The following PTK2 variants were observed in gnomAD, a reference collection of about 807,000 sequenced individuals.
PTK2 encodes the protein protein tyrosine kinase 2, also known as focal adhesion kinase 1.
In PTK2, 45 loss-of-function variants were observed where a neutral mutation model predicts 150.1. That is an observed-to-expected ratio of 0.30 (90% confidence interval 0.24 to 0.38). The LOEUF (loss-of-function observed/expected upper bound fraction) is 0.38. Ranked by LOEUF, PTK2 falls within the 10% of genes least tolerant of loss-of-function variation. The pLI, the probability that PTK2 is intolerant of heterozygous loss-of-function variation, is 1.00. For missense variants in PTK2, 919 were observed against 1,307.3 expected (o/e 0.70, Z 4.58); for synonymous variants, 432 against 449.2 (o/e 0.96, Z 0.48).
intron 4 of PTK2, among the ~76,000 whole-genome samples, chr8:140,878,191 A>C (rs1426079679): frequency 6.6e-6 from 1 of 152,242 alleles, no homozygotes; most frequent in Non-Finnish European, 1.5e-5. Flanking sequence ...GAACCAATGA[A>C]ACTATATTCT....
At chr8:140,686,106 C>T (rs2100019632) in intron 27 of PTK2, among the ~76,000 whole-genome samples, 1 of 152,110 alleles carries the variant, frequency 6.6e-6, no homozygotes, top group South Asian at 2.1e-4. Flanking sequence ...AGCTAGAGGT[C>T]ATTATCATTA....
intron 1 of PTK2, among the ~76,000 whole-genome samples, chr8:140,957,587 A>G (rs2100181631): frequency 6.6e-6 from 1 of 152,154 alleles, no homozygotes; most frequent in South Asian, 2.1e-4. Flanking sequence ...CACTCACCAC[A>G]CACTCACTGA....
At chr8:140,867,366 A>C (rs2154606214) in intron 4 of PTK2, among the ~76,000 whole-genome samples, 1 of 152,256 alleles carries the variant, frequency 6.6e-6, no homozygotes. Context: ...GAATTACATA[A>C]TCTTCCCTAG....
chr8:140,740,382 G>T (rs138455402), intron 20 of PTK2, among the ~76,000 whole-genome samples: 1 of 152,280 alleles, frequency 6.6e-6, no homozygotes, highest in Non-Finnish European at 1.5e-5. Flanking sequence ...CAGGGCACAG[G>T]AACAGCACCC....
intron 13 of PTK2, among the ~76,000 whole-genome samples, chr8:140,790,030 A>G (rs1303023550): frequency 6.6e-6 from 1 of 152,106 alleles, no homozygotes; most frequent in Non-Finnish European, 1.5e-5. Context: ...AGTAATCTCA[A>G]TGTATCTTGC....
chr8:140,963,106 A>G (rs1030624627), intron 1 of PTK2, among the ~76,000 whole-genome samples: 2 of 152,046 alleles, frequency 1.3e-5, no homozygotes, highest in Non-Finnish European at 2.9e-5. Context: ...ACACGCACGA[A>G]CCTTAAGGCC....
chr8:140,692,374 T>C (rs1398057269), intron 26 of PTK2, among the ~76,000 whole-genome samples: 18 of 152,194 alleles, frequency 1.2e-4, no homozygotes. Flanking sequence ...CCCAGCACTA[T>C]GGGAGGCCGA....
chr8:140,714,458 A>G (rs2100038470), intron 23 of PTK2, among the ~76,000 whole-genome samples: 1 of 151,748 alleles, frequency 6.6e-6, no homozygotes, highest in African/African-American at 2.4e-5. Context: ...CTTTATTTAA[A>G]AAAAAAAGAA....
intron 31 of PTK2, chr8:140,663,109 T>C (rs1428414224): frequency 3.8e-5 from 8 of 210,376 alleles, no homozygotes; most frequent in South Asian, 1.9e-4. Flanking sequence ...AATGTGGTGA[T>C]TGTGTGGTGG....
chr8:140,990,071 A>G (rs935207299), intron 1 of PTK2, among the ~76,000 whole-genome samples: 2 of 152,188 alleles, frequency 1.3e-5, no homozygotes, highest in Admixed American at 6.6e-5. Context: ...AAAATGGTCA[A>G]TGATTGGAGC....
intron 1 of PTK2, among the ~76,000 whole-genome samples, chr8:140,989,910 C>CAAA (rs11400792): frequency 2.3e-4 from 31 of 136,074 alleles, no homozygotes; most frequent in African/African-American, 7.6e-4. Flanking sequence ...CTCTTTGTCT[C>CAAA]AAAAAAAAAA....
chr8:140,767,899 G>C (rs1381779178), intron 14 of PTK2, among the ~76,000 whole-genome samples: 13 of 152,098 alleles, frequency 8.5e-5, no homozygotes, highest in Non-Finnish European at 1.8e-4. Context: ...AAAAATTGGA[G>C]TACAGTCTGA....
chr8:140,773,715 T>C (rs2100076866), intron 14 of PTK2, among the ~76,000 whole-genome samples: 1 of 152,186 alleles, frequency 6.6e-6, no homozygotes, highest in African/African-American at 2.4e-5. Context: ...TCTTAGCTCC[T>C]GGTAAGGGCA....
rs1304767919 is a variant in PTK2, at chr8:140,659,666, G to A, written c.2959C>T (p.Gln987Ter). 1 of 1,613,800 alleles carries A rather than the reference G, an allele frequency of 6.2e-7. No homozygotes were observed. Among genetic ancestry groups the A allele is most frequent in the African/African-American group, 1.3e-5 (1 of 74,906 alleles). The stretch of plus-strand genomic sequence containing the variant: ...CCCAGGTCAGAGTTCAATAGCTTCT[G>A]TGCCATCTCAATCTGAAAGACAAGA... The change falls in exon 32 of 32, where the codon CAG (glutamine) becomes TAG (stop). Residue 987 changes from glutamine to a stop codon, truncating the protein, a stop_gained. Transcript: ENST00000522684. LOFTEE classifies it high-confidence loss of function.
chr8:140,801,980 T>A (rs1038284243), intron 11 of PTK2, among the ~76,000 whole-genome samples: 6 of 152,080 alleles, frequency 3.9e-5, no homozygotes, highest in African/African-American at 1.2e-4. Flanking sequence ...TATAAAAGTA[T>A]AGCACATACG....
chr8:140,728,632 C>T (rs954428310), intron 22 of PTK2, among the ~76,000 whole-genome samples: 3 of 152,208 alleles, frequency 2.0e-5, no homozygotes, highest in Non-Finnish European at 2.9e-5. Flanking sequence ...GATTCTCCTG[C>T]CTTAGCCTCC....
At chr8:140,806,161 C>T (rs901310088) in intron 10 of PTK2, among the ~76,000 whole-genome samples, 1 of 152,152 alleles carries the variant, frequency 6.6e-6, no homozygotes. Context: ...AAAAATCTGA[C>T]TCTAGAAACA....
chr8:140,837,025 A>G (rs1210462592), intron 7 of PTK2, among the ~76,000 whole-genome samples: 2 of 152,220 alleles, frequency 1.3e-5, no homozygotes, highest in Non-Finnish European at 2.9e-5. Flanking sequence ...CCTAATTTTA[A>G]CACTGTATTG....
At chr8:140,668,394 T>C in exon 30 of PTK2, 3 of 1,613,082 alleles carry the variant, frequency 1.9e-6, no homozygotes, top group Non-Finnish European at 2.5e-6. Flanking sequence ...AGGTTGGCAG[T>C]AGGAGGGGGG....
Sources: gnomAD v4.1 joint callset for allele counts (sites outside exome capture counted in the v4.1 genomes callset) on GRCh38, gnomAD v4.1.1 for gene constraint, MANE v1.5 for transcripts, NCBI Gene and HGNC (gene_info 2026-07-23, HGNC 2026-07-21) for gene names.